COL12A1: variants seen among roughly 807,000 people sequenced by gnomAD.
COL12A1 encodes collagen type XII alpha 1 chain.
COL12A1 carries 114 observed loss-of-function variants against 349.7 expected under a neutral mutation model. The observed-to-expected ratio is 0.33, with a 90% CI of 0.28 to 0.38. The LOEUF is 0.38. Among genes scored for constraint, COL12A1 ranks in the 10% least tolerant of loss-of-function variants. COL12A1 has a pLI of 1.00. For synonymous variants in COL12A1, 1,369 were observed against 1,329.0 expected (o/e 1.03, Z -0.66); for missense variants, 3,284 against 3,756.9 (o/e 0.87, Z 3.29).
At chr6:75,178,315 A>G (rs754927197) in intron 11 of COL12A1, among the ~76,000 whole-genome samples, 10 of 152,286 alleles carry the variant, frequency 6.6e-5, no homozygotes, top group African/African-American at 9.6e-5. Context: ...CTCTTACTAC[A>G]TTTTCTCACG....
intron 51 of COL12A1, among the ~76,000 whole-genome samples, chr6:75,112,427 T>C (rs1045145547): frequency 1.3e-5 from 2 of 151,764 alleles, no homozygotes; most frequent in African/African-American, 4.8e-5. Flanking sequence ...TAGATCGTTC[T>C]TTTTATTTCT....
chr6:75,149,614 A>G (rs1020050363), intron 21 of COL12A1, among the ~76,000 whole-genome samples: 14 of 152,124 alleles, frequency 9.2e-5, no homozygotes, highest in African/African-American at 3.1e-4. Context: ...CCCAAATAAT[A>G]ATTAAAAGAG....
intron 17 of COL12A1, among the ~76,000 whole-genome samples, chr6:75,153,356 A>G (rs1372197329): frequency 6.6e-6 from 1 of 152,208 alleles, no homozygotes; most frequent in Non-Finnish European, 1.5e-5. Context: ...CTACAAAATA[A>G]AAATATAAGT....
At chr6:75,117,637 G>A in intron 46 of COL12A1, 91 bp from the exon 47 acceptor site, 2 of 1,409,982 alleles carry the variant, frequency 1.4e-6, no homozygotes, top group Non-Finnish European at 1.9e-6. Flanking sequence ...CAGAAATGAT[G>A]CTGTATTTTC....
intron 13 of COL12A1, among the ~76,000 whole-genome samples, chr6:75,167,199 T>C (rs2149440930): frequency 1.3e-5 from 2 of 152,308 alleles, no homozygotes; most frequent in South Asian, 4.1e-4. Context: ...AATTTAAAAC[T>C]GTTTGTTTTA....
chr6:75,095,533 C>T (rs1487568299), intron 59 of COL12A1, among the ~76,000 whole-genome samples: 1 of 147,018 alleles, frequency 6.8e-6, no homozygotes, highest in Non-Finnish European at 1.5e-5. Flanking sequence ...AGGAGAATGG[C>T]GTGAACCCAG....
In COL12A1 at chr6:75,145,317, G is replaced by A. The variant is rs1402791977; in HGVS notation, c.4690+9C>T. 6 of 1,590,798 alleles carry A rather than the reference G, an allele frequency of 3.8e-6. No homozygotes were observed. The highest frequency in any genetic ancestry group is 1.7e-4 in the Middle Eastern group (1 of 5,980). ...ATAAGAAGGGAAATAAAACTAAGCA[G>A]TAGCTTACAGGTGACTTCCCGAACA... On this transcript the variant is annotated intron_variant, in intron 25 of 65. Coordinates refer to ENST00000322507, the MANE Select transcript of COL12A1 (RefSeq NM_004370.6).
intron 58 of COL12A1, among the ~76,000 whole-genome samples, chr6:75,098,964 C>T (rs1318981623): frequency 6.6e-6 from 1 of 152,202 alleles, no homozygotes; most frequent in Non-Finnish European, 1.5e-5. Flanking sequence ...AACAGCAGAT[C>T]TCTGAAATCC....
At chr6:75,199,558 A>T (rs1172198461) in intron 2 of COL12A1, among the ~76,000 whole-genome samples, 1 of 152,210 alleles carries the variant, frequency 6.6e-6, no homozygotes, top group Non-Finnish European at 1.5e-5. Context: ...GATTAATTAG[A>T]AAAGTGCCCA....
At chr6:75,129,141 C>T (rs1766172604) in intron 37 of COL12A1, among the ~76,000 whole-genome samples, 1 of 152,142 alleles carries the variant, frequency 6.6e-6, no homozygotes, top group Non-Finnish European at 1.5e-5. Context: ...TTGTCCATGG[C>T]AAGGCTGAAC....
chr6:75,122,048 CG>C (rs1212211850), intron 43 of COL12A1, among the ~76,000 whole-genome samples: 2 of 151,870 alleles, frequency 1.3e-5, no homozygotes, highest in African/African-American at 4.8e-5. Context: ...TTAGCAGAGA[CG>C]GGTTTAACCA....
intron 22 of COL12A1, 33 bp from the exon 23 acceptor site, chr6:75,147,837 A>G: frequency 5.0e-6 from 8 of 1,602,028 alleles, no homozygotes; most frequent in Middle Eastern, 1.7e-4. Flanking sequence ...GCAACAACGT[A>G]TGTATAATCA....
In COL12A1 at chr6:75,177,659, C is replaced by G. The variant is rs866741625; in HGVS notation, c.2437+4G>C. On this transcript the variant is annotated splice_donor_region_variant and intron_variant, in intron 12 of 65. Coordinates refer to ENST00000322507, the MANE Select transcript of COL12A1 (RefSeq NM_004370.6). ...TCACCATATGATAAGCATATTTCCT[C>G]TACCTTCTTCAGTGGCTGCATTTCC... 2 of 1,614,148 alleles carry G rather than the reference C, an allele frequency of 1.2e-6. No individual in the cohort carries two copies. The highest frequency in any genetic ancestry group is 3.3e-4 in the Middle Eastern group (2 of 6,062).
Position 75,109,142 on chromosome 6 carries a change from CT to C in COL12A1, c.7975del (p.Ser2659ValfsTer12). 1 of 1,597,026 alleles carries C rather than the reference CT, an allele frequency of 6.3e-7. No homozygotes were observed. Among genetic ancestry groups the C allele is most frequent in the Non-Finnish European group, 8.6e-7 (1 of 1,168,676 alleles). On this transcript the variant is annotated frameshift_variant, in exon 52 of 66. Transcript: ENST00000322507. LOFTEE classifies it high-confidence loss of function. ...ATAGCAGTCAATGTAAATCTTAACACTTTTTGAGGTCACTACAATATGAACC... is the reference window on the plus strand; with the variant it reads ...ATAGCAGTCAATGTAAATCTTAACACTTTTGAGGTCACTACAATATGAACC... The part of the protein sequence containing the change: ...HKVHIVVTSK[S>X]VKIYIDCYEI...
intron 25 of COL12A1, among the ~76,000 whole-genome samples, chr6:75,145,087 G>T (rs75483174): frequency 1.3e-5 from 2 of 152,180 alleles, no homozygotes; most frequent in Non-Finnish European, 2.9e-5. Flanking sequence ...ACCATTGATT[G>T]TAAAACACTT....
chr6:75,142,019 G>A lies in COL12A1; in HGVS notation c.4957+13C>T, dbSNP rs1389015377. 6.2e-7 allele frequency: 1 copy of A among 1,613,926 alleles called. No homozygotes were observed. ...TTGTTTCCCATTATCAGTGGAGCAG[G>A]AGCACAACTCACGGGTAGTTTCTTG... On this transcript the variant is annotated intron_variant, in intron 27 of 65. Coordinates refer to ENST00000322507, the MANE Select transcript of COL12A1 (RefSeq NM_004370.6).
At chr6:75,188,640 T>C in intron 7 of COL12A1, 105 bp from the exon 8 acceptor site, 2 of 1,275,566 alleles carry the variant, frequency 1.6e-6, no homozygotes, top group African/African-American at 1.5e-5. Context: ...CATATTCAAA[T>C]CGTCATTAAG....
At chr6:75,188,087 A>C (rs1769728245) in intron 8 of COL12A1, among the ~76,000 whole-genome samples, 1 of 152,128 alleles carries the variant, frequency 6.6e-6, no homozygotes, top group Non-Finnish European at 1.5e-5. Flanking sequence ...TGTACACAAA[A>C]GAGTCTTAAA....
At chr6:75,191,893 T>G in intron 4 of COL12A1, 133 bp from the exon 5 acceptor site, 2 of 507,460 alleles carry the variant, frequency 3.9e-6, no homozygotes. Context: ...GGTCATAGAA[T>G]ACTGCCAAAT....
Sources: allele counts gnomAD v4.1 joint callset (sites outside exome capture counted in the v4.1 genomes callset), GRCh38; gene constraint gnomAD v4.1.1; transcripts MANE v1.5; gene names NCBI Gene and HGNC (gene_info 2026-07-23, HGNC 2026-07-21).